The following BTD variants were observed in gnomAD, a reference collection of about 807,000 sequenced individuals.
BTD encodes biotinidase, also known as biocytinase.
In BTD, 13 loss-of-function variants were observed where a neutral mutation model predicts 17.7. That is an observed-to-expected ratio of 0.74 (90% CI 0.48 to 1.17). The LOEUF is 1.17. Ranked by LOEUF, BTD falls within the 50% of genes most tolerant of loss-of-function variation. BTD has a pLI of 0.00. For synonymous variants in BTD, 240 were observed against 245.2 expected, an observed-to-expected ratio of 0.98 and a Z score of 0.20; for missense variants, 674 against 650.4, an observed-to-expected ratio of 1.04 and a Z score of -0.39.
At chr3:15,709,941 G>A (rs546671460) in intron 3 of BTD, among the ~76,000 whole-genome samples, 11 of 152,148 alleles carry the variant, frequency 7.2e-5, no homozygotes, top group African/African-American at 2.2e-4. Context: ...GCACACTGAG[G>A]AAATAACACA....
At chr3:15,601,451 T>G, upstream of BTD, 1 of 1,613,530 alleles carries the variant, frequency 6.2e-7, no homozygotes, top group East Asian at 2.2e-5. Context: ...TCTGCGAAGT[T>G]ACTGTCCGGC....
At chr3:15,604,776 C>A (rs2064392902) in intron 1 of BTD, among the ~76,000 whole-genome samples, 1 of 152,200 alleles carries the variant, frequency 6.6e-6, no homozygotes. Flanking sequence ...GGGCAAAATG[C>A]CACTAGTCTC....
At position 15,702,192 on chromosome 3, in the gene BTD, G is replaced by A. The variant is rs143869939; in HGVS notation, c.400-7868G>A. Among the ~76,000 whole-genome samples the A allele has an allele frequency of 2.0e-5, 3 of 152,246 alleles. No homozygotes were observed. The East Asian group carries it at 5.8e-4, about 29-fold the overall frequency. On this transcript the variant is annotated intron_variant, in intron 3 of 3. Transcript: ENST00000672141. ...TTTGGCTAGAATATGGCAAACCAAG[G>A]ACTAAACCACCTCAGGTCTTCCCTT...
At chr3:15,715,495 T>A (rs182664098), downstream of BTD, among the ~76,000 whole-genome samples, 43 of 152,344 alleles carry the variant, frequency 2.8e-4, no homozygotes, top group African/African-American at 1.0e-3. Flanking sequence ...GATTCCATAA[T>A]ATGAATTTTT....
intron 1 of BTD, 62 bp downstream of exon 1, chr3:15,601,956 G>A: frequency 6.3e-7 from 1 of 1,591,904 alleles, no homozygotes; most frequent in Non-Finnish European, 8.6e-7. Flanking sequence ...TCCAGACCCC[G>A]CCCCGGGCGC....
chr3:15,654,337 G>T (rs533281768), downstream of BTD, among the ~76,000 whole-genome samples: 2 of 152,104 alleles, frequency 1.3e-5, no homozygotes, highest in African/African-American at 4.8e-5. Context: ...CATTGCAGGG[G>T]ATTAGGCAGG....
chr3:15,655,424 T>A (rs987102396), downstream of BTD, among the ~76,000 whole-genome samples: 4 of 152,248 alleles, frequency 2.6e-5, no homozygotes, highest in Admixed American at 2.0e-4. Context: ...TACTGGCCCC[T>A]GAAAATTGTT....
At chr3:15,637,748 C>T (rs2065389616) in intron 2 of BTD, among the ~76,000 whole-genome samples, 1 of 152,228 alleles carries the variant, frequency 6.6e-6, no homozygotes, top group South Asian at 2.1e-4. Flanking sequence ...TCATCTGCCT[C>T]TTGCTTCCCT....
In BTD at chr3:15,644,899, A is replaced by C; in HGVS notation, c.983A>C (p.Glu328Ala). Residue 328 changes from glutamate to alanine, a missense_variant, in exon 4 of 4, where the codon GAG becomes GCG. By Grantham distance (107) the Glu-to-Ala change is moderately radical (BLOSUM62 -1). Transcript: ENST00000643237. ...AATCCAGTGGGTCTCATTGGTGCAGAGAATGCAACAGGTGAAACGGACCCA... is the reference window on the plus strand; with the variant it reads ...AATCCAGTGGGTCTCATTGGTGCAGCGAATGCAACAGGTGAAACGGACCCA... ...AKNPVGLIGAENATGETDPSH... is the reference protein window; with the variant it reads ...AKNPVGLIGAANATGETDPSH... The C allele has an allele frequency of 6.2e-7, 1 of 1,614,120 alleles. No individual in the cohort carries two copies. Among genetic ancestry groups the C allele is most frequent in the Non-Finnish European group, 8.5e-7 (1 of 1,180,022 alleles).
At position 15,601,826 on chromosome 3, in the gene BTD, G is replaced by A. The variant is rs1445316568; in HGVS notation, c.-85G>A. 6.2e-7 allele frequency: 1 copy of A among 1,614,104 alleles called. No individual in the cohort carries two copies. The highest frequency in any genetic ancestry group is 8.5e-7 in the Non-Finnish European group (1 of 1,180,052). On this transcript the variant is annotated 5_prime_UTR_variant, in exon 1 of 4. Transcript: ENST00000643237. ...ATTGTCTCCGAGTCGGCCAGCTGGA[G>A]CGTTTTCGGGGCTGTAAAGGGAGAA...
chr3:15,687,965 T>C (rs1022260038), intron 3 of BTD, among the ~76,000 whole-genome samples: 1 of 152,244 alleles, frequency 6.6e-6, no homozygotes, highest in Non-Finnish European at 1.5e-5. Context: ...GTTCTTTTCA[T>C]GGCTTATAGA....
chr3:15,627,862 C>T (rs979762042), intron 1 of BTD, among the ~76,000 whole-genome samples: 6 of 152,200 alleles, frequency 3.9e-5, no homozygotes, highest in Admixed American at 2.0e-4. Flanking sequence ...GCTGGGATTA[C>T]AGTGCCTGCC....
intron 3 of BTD, among the ~76,000 whole-genome samples, chr3:15,705,477 T>C (rs887958709): frequency 5.3e-5 from 8 of 152,100 alleles, no homozygotes; most frequent in Non-Finnish European, 1.2e-4. Flanking sequence ...TCTGTGAAAG[T>C]AGTGGTAAAG....
intron 3 of BTD, among the ~76,000 whole-genome samples, chr3:15,693,131 G>A (rs2069019233): frequency 6.6e-6 from 1 of 152,182 alleles, no homozygotes; most frequent in South Asian, 2.1e-4. Flanking sequence ...AATGGGTACA[G>A]AGTTTTAGTT....
chr3:15,685,504 T>C (rs2068008098), intron 3 of BTD: 2 of 1,521,776 alleles, frequency 1.3e-6, no homozygotes, highest in Admixed American at 3.4e-5. Flanking sequence ...ACATGCCAAT[T>C]TCAGCTAATT....
At chr3:15,677,358 TC>T in intron 3 of BTD, 1 of 700,510 alleles carries the variant, frequency 1.4e-6, no homozygotes, top group South Asian at 2.1e-5. Context: ...GTTCAAGAAA[TC>T]TAATACCAGT....
exon 4 of BTD, among the ~76,000 whole-genome samples, chr3:15,710,363 A>T (rs750216148): frequency 1.3e-5 from 2 of 152,214 alleles, no homozygotes; most frequent in Non-Finnish European, 2.9e-5. Context: ...CTGTCAAGTG[A>T]TCAGACACTC....
chr3:15,603,617 A>G (rs1574965986), intron 1 of BTD, among the ~76,000 whole-genome samples: 1 of 152,336 alleles, frequency 6.6e-6, no homozygotes, highest in East Asian at 1.9e-4. Context: ...AGATTGGGCC[A>G]CTGCACTCCA....
At chr3:15,686,611 A>C (rs1266640137) in intron 3 of BTD, among the ~76,000 whole-genome samples, 2 of 152,198 alleles carry the variant, frequency 1.3e-5, no homozygotes, top group Non-Finnish European at 2.9e-5. Flanking sequence ...GGTCAGGAAG[A>C]GTGCCTTGAC....
Sources: gnomAD v4.1 joint callset for allele counts (sites outside exome capture counted in the v4.1 genomes callset) on GRCh38, gnomAD v4.1.1 for gene constraint, MANE v1.5 for transcripts, NCBI Gene and HGNC (gene_info 2026-07-23, HGNC 2026-07-21) for gene names.